The following LRRC4C variants were observed in gnomAD, a reference collection of about 807,000 sequenced individuals.
The protein encoded by LRRC4C is leucine rich repeat containing 4C.
In LRRC4C, 5 loss-of-function variants were observed where a neutral mutation model predicts 33.6. The ratio of observed to expected loss-of-function variants is 0.15; its 90% CI spans 0.08 to 0.31. The LOEUF is 0.31. Ranked by LOEUF, LRRC4C falls within the 10% of genes least tolerant of loss-of-function variation. The probability of loss-of-function intolerance (pLI) is 1.00; values close to 1 mark genes in which losing one functional copy is unlikely to be tolerated. For missense variants in LRRC4C, 560 were observed against 796.7 expected, an observed-to-expected ratio of 0.70 and a Z score of 3.58; for synonymous variants, 329 against 302.0, an observed-to-expected ratio of 1.09 and a Z score of -0.93.
chr11:41,109,642 C>T lies in LRRC4C; in HGVS notation c.-495-175919G>A, dbSNP rs559292604. 3.8e-4 allele frequency among the ~76,000 whole-genome samples: 58 copies of T among 152,084 alleles called. 1 individual carries two copies. The highest frequency in any genetic ancestry group is 8.2e-4 in the African/African-American group (34 of 41,538). On this transcript the variant is annotated intron_variant, in intron 1 of 6. Transcript: ENST00000528697. ...AATTAAAAACAATATCTAAAAAGTG[C>T]GTAACGGAACTAGAAGATAATTTAT...
chr11:41,065,144 A>G (rs1469351042), intron 1 of LRRC4C, among the ~76,000 whole-genome samples: 1 of 152,176 alleles, frequency 6.6e-6, no homozygotes, highest in Non-Finnish European at 1.5e-5. Context: ...CCAGAAAGCT[A>G]GGAACCACTG....
At chr11:40,141,132 C>T (rs771272034) in intron 5 of LRRC4C, among the ~76,000 whole-genome samples, 7 of 152,000 alleles carry the variant, frequency 4.6e-5, no homozygotes, top group Non-Finnish European at 1.0e-4. Flanking sequence ...AAGTAAGTCA[C>T]ATTTTCTCTG....
chr11:40,201,053 C>A (rs1429372385), intron 5 of LRRC4C, among the ~76,000 whole-genome samples: 1 of 152,104 alleles, frequency 6.6e-6, no homozygotes, highest in Non-Finnish European at 1.5e-5. Context: ...GATGCATGCT[C>A]ATGTGCACAT....
chr11:40,812,553 C>T (rs1951534817), intron 2 of LRRC4C, among the ~76,000 whole-genome samples: 1 of 151,966 alleles, frequency 6.6e-6, no homozygotes, highest in Non-Finnish European at 1.5e-5. Context: ...CAAAAGCCTG[C>T]CCTGGAGCAT....
intron 2 of LRRC4C, among the ~76,000 whole-genome samples, chr11:40,929,243 A>T: frequency 6.6e-6 from 1 of 152,184 alleles, no homozygotes; most frequent in Non-Finnish European, 1.5e-5. Context: ...ATGGCCATCC[A>T]TGCCACATTA....
At chr11:41,015,997 C>T (rs1015304907) in intron 1 of LRRC4C, among the ~76,000 whole-genome samples, 5 of 151,990 alleles carry the variant, frequency 3.3e-5, no homozygotes, top group Admixed American at 6.6e-5. Flanking sequence ...CCGACTCCGT[C>T]TCAAAAAACA....
intron 1 of LRRC4C, among the ~76,000 whole-genome samples, chr11:41,195,044 G>A (rs981633262): frequency 4.6e-5 from 7 of 151,784 alleles, no homozygotes; most frequent in Admixed American, 1.3e-4. Flanking sequence ...GCTTTACTTG[G>A]CTGTATATTT....
rs1013883767 is a variant in LRRC4C, at chr11:41,169,266, G to T, written c.-495-235543C>A. ...AGCATTGAGGATAAGCAATTAAAAA[G>T]AAAGTCACAAATTAAAGTATAGCCT... On this transcript the variant is annotated intron_variant, in intron 1 of 6. Transcript: ENST00000528697. Among the ~76,000 whole-genome samples, 3 of 152,068 alleles carry T rather than the reference G, an allele frequency of 2.0e-5. No homozygotes were observed. In the East Asian group the frequency reaches 5.8e-4, roughly 29 times the overall value.
chr11:41,147,005 A>G (rs1358004767), intron 1 of LRRC4C, among the ~76,000 whole-genome samples: 1 of 152,236 alleles, frequency 6.6e-6, no homozygotes, highest in Non-Finnish European at 1.5e-5. Context: ...TGTTTTACAG[A>G]TCATGAATGA....
chr11:40,401,047 T>C (rs577872703), intron 3 of LRRC4C, among the ~76,000 whole-genome samples: 27 of 152,296 alleles, frequency 1.8e-4, no homozygotes, highest in Non-Finnish European at 1.5e-4. Context: ...GATGGTTGAT[T>C]GCTGTTTGCA....
intron 3 of LRRC4C, among the ~76,000 whole-genome samples, chr11:40,588,660 G>T (rs373139397): frequency 6.6e-6 from 1 of 151,842 alleles, no homozygotes; most frequent in South Asian, 2.1e-4. Context: ...GCGTCCCAGA[G>T]ACTCTGGTAT....
At chr11:41,378,576 G>T (rs114739602) in intron 1 of LRRC4C, among the ~76,000 whole-genome samples, 12 of 152,174 alleles carry the variant, frequency 7.9e-5, no homozygotes, top group African/African-American at 2.4e-4. Context: ...TCAAGATTTG[G>T]GGTAACTAAG....
At chr11:41,008,514 C>A (rs1854930620) in intron 1 of LRRC4C, among the ~76,000 whole-genome samples, 1 of 152,192 alleles carries the variant, frequency 6.6e-6, no homozygotes, top group African/African-American at 2.4e-5. Context: ...GGTCCACTCA[C>A]TCACACTTGT....
At chr11:41,437,103 C>A (rs978393349) in intron 1 of LRRC4C, among the ~76,000 whole-genome samples, 1 of 152,126 alleles carries the variant, frequency 6.6e-6, no homozygotes, top group Non-Finnish European at 1.5e-5. Flanking sequence ...CAAATACAAG[C>A]CCTAGCTGTG....
chr11:40,547,266 A>G (rs1223934368), intron 3 of LRRC4C, among the ~76,000 whole-genome samples: 1 of 152,140 alleles, frequency 6.6e-6, no homozygotes, highest in African/African-American at 2.4e-5. Context: ...GCTGAAGAAA[A>G]GAAAATTCCA....
chr11:41,287,003 C>A (rs1184985170), intron 1 of LRRC4C, among the ~76,000 whole-genome samples: 1 of 152,130 alleles, frequency 6.6e-6, no homozygotes, highest in African/African-American at 2.4e-5. Flanking sequence ...CAATTTATTA[C>A]CTACATACCA....
intron 2 of LRRC4C, among the ~76,000 whole-genome samples, chr11:40,780,593 T>C (rs1180759093): frequency 6.6e-6 from 1 of 152,138 alleles, no homozygotes; most frequent in Non-Finnish European, 1.5e-5. Flanking sequence ...AGGAGGGTGT[T>C]TGACCTTTTT....
chr11:41,008,548 T>C (rs1434422686), intron 1 of LRRC4C, among the ~76,000 whole-genome samples: 1 of 152,200 alleles, frequency 6.6e-6, no homozygotes, highest in Non-Finnish European at 1.5e-5. Context: ...CCTTCTCAGT[T>C]TTAACTGCTG....
chr11:40,677,023 T>A (rs1276695929), intron 2 of LRRC4C, among the ~76,000 whole-genome samples: 4 of 152,198 alleles, frequency 2.6e-5, no homozygotes, highest in Admixed American at 2.6e-4. Flanking sequence ...GGTTAATCCA[T>A]GACTCCCCCT....
Sources: allele counts gnomAD v4.1 joint callset (sites outside exome capture counted in the v4.1 genomes callset), GRCh38; gene constraint gnomAD v4.1.1; transcripts MANE v1.5; gene names NCBI Gene and HGNC (gene_info 2026-07-23, HGNC 2026-07-21).